The following DHX9 variants were observed in gnomAD, a reference collection of about 807,000 sequenced individuals.
DHX9 encodes DExH-box helicase 9, also known as ATP-dependent RNA helicase A.
Under a neutral mutation model 148.7 loss-of-function variants are expected in DHX9, and 27 were observed. That is an observed-to-expected ratio of 0.18 (90% CI 0.13 to 0.25). The LOEUF is 0.25. Among genes scored for constraint, DHX9 ranks in the 10% least tolerant of loss-of-function variants. DHX9 has a pLI of 1.00. For missense variants in DHX9, 796 were observed against 1,559.6 expected (o/e 0.51, Z 8.25); for synonymous variants, 529 against 516.6 (o/e 1.02, Z -0.33).
chr1:182,866,291 G>A (rs1158060362), intron 12 of DHX9, among the ~76,000 whole-genome samples, 153 bp from the exon 13 acceptor site: 8 of 152,164 alleles, frequency 5.3e-5, no homozygotes, highest in South Asian at 4.1e-4. Context: ...AGTGTCTGCC[G>A]TAGAACCAAA....
At position 182,859,033 on chromosome 1, in the gene DHX9, T is replaced by G. The variant is rs1206133973; in HGVS notation, c.1063-7T>G. On this transcript the variant is annotated splice_region_variant and splice_polypyrimidine_tract_variant and intron_variant, in intron 10 of 27. Coordinates refer to ENST00000367549, the MANE Select transcript of DHX9 (RefSeq NM_001357.5). ...TTGTTTGACTATGTTGGCTTTTTGT[T>G]TTACAGGCTACTCCAGAGCAAATAA... 6.2e-7 allele frequency: 1 copy of G among 1,613,708 alleles called. No individual in the cohort carries two copies. The highest frequency in any genetic ancestry group is 2.2e-5 in the East Asian group (1 of 44,868).
Position 182,879,324 on chromosome 1 carries a change from G to A in DHX9, c.2426G>A (p.Arg809His). 2 of 1,550,278 alleles carry A rather than the reference G, an allele frequency of 1.3e-6. No individual in the cohort carries two copies. Among genetic ancestry groups the A allele is most frequent in the East Asian group, 2.3e-5 (1 of 43,662 alleles). Residue 809 changes from arginine to histidine, a missense_variant, in exon 21 of 28, where the codon CGT (arginine) becomes CAT (histidine). Coordinates refer to ENST00000367549, the MANE Select transcript of DHX9 (RefSeq NM_001357.5). The part of the protein sequence containing the change: ...HEIALSIKLL[R>H]LGGIGQFLAK... ...ATTGCTCTTAGCATAAAACTTCTGC[G>A]TCTAGGAGGAATTGGCCAATTTCTG...
At chr1:182,854,479 C>T (rs1327421312) in intron 6 of DHX9, among the ~76,000 whole-genome samples, 1 of 152,046 alleles carries the variant, frequency 6.6e-6, no homozygotes, top group South Asian at 2.1e-4. Context: ...CTGGTTTGTC[C>T]CTAGTTGATG....
At chr1:182,844,240 CTG>C (rs2102587688) in intron 3 of DHX9, among the ~76,000 whole-genome samples, 1 of 152,350 alleles carries the variant, frequency 6.6e-6, no homozygotes, top group Non-Finnish European at 1.5e-5. Context: ...GCATGGGCCA[CTG>C]CACCTGGCTG....
Position 182,878,060 on chromosome 1 carries a change from C to G in DHX9, c.2238C>G (p.Thr746=), listed in dbSNP as rs763984418. 2 of 1,614,170 alleles carry G rather than the reference C, an allele frequency of 1.2e-6. No homozygotes were observed. Among genetic ancestry groups the G allele is most frequent in the South Asian group, 2.2e-5 (2 of 91,076 alleles). Residue 746 remains threonine (T), a synonymous_variant, in exon 20 of 28, where the codon ACC becomes ACG. Transcript: ENST00000367549. ...VKLFTAHNNM[T]NYATVWASKT... is the part of the protein sequence containing the mutation. ...TCTTCACTGCTCACAACAATATGAC[C>G]AACTATGCTACCGTATGGGCATCAA...
At chr1:182,863,836 A>G (rs975867062) in intron 12 of DHX9, among the ~76,000 whole-genome samples, 1 of 152,190 alleles carries the variant, frequency 6.6e-6, no homozygotes, top group South Asian at 2.1e-4. Flanking sequence ...AGAGTAATAC[A>G]TACACCTTGG....
intron 12 of DHX9, among the ~76,000 whole-genome samples, chr1:182,865,087 G>GA (rs1287148751): frequency 6.6e-6 from 1 of 152,134 alleles, no homozygotes; most frequent in Non-Finnish European, 1.5e-5. Context: ...AAGAAAAAAA[G>GA]AAAAACTATA....
At chr1:182,864,166 C>T (rs554338081) in intron 12 of DHX9, among the ~76,000 whole-genome samples, 196 of 152,192 alleles carry the variant, frequency 1.3e-3, no homozygotes, top group Non-Finnish European at 2.2e-3. Flanking sequence ...TTGCTCACTG[C>T]AACCTCAAAC....
chr1:182,856,436 G>A (rs1668252182), intron 6 of DHX9, 96 bp from the exon 7 acceptor site: 4 of 968,782 alleles, frequency 4.1e-6, no homozygotes, highest in Admixed American at 2.0e-5. Context: ...TCTGTGATTT[G>A]CCTAAGCAGT....
At chr1:182,851,473 T>C (rs1008332820) in intron 3 of DHX9, among the ~76,000 whole-genome samples, 13 of 152,240 alleles carry the variant, frequency 8.5e-5, no homozygotes, top group African/African-American at 3.1e-4. Context: ...TGAATTAGCT[T>C]TCATCTCAGA....
At chr1:182,881,191 C>T (rs763751353) in intron 22 of DHX9, 73 bp from the exon 23 acceptor site, 13 of 1,477,742 alleles carry the variant, frequency 8.8e-6, no homozygotes, top group African/African-American at 1.4e-5. Flanking sequence ...AACCCACAGT[C>T]GACAGTCCTA....
At chr1:182,868,915 G>A (rs1648421191) in intron 14 of DHX9, among the ~76,000 whole-genome samples, 1 of 152,000 alleles carries the variant, frequency 6.6e-6, no homozygotes, top group African/African-American at 2.4e-5. Flanking sequence ...CTTTTCAGTA[G>A]GGCAAAATTT....
At chr1:182,861,345 C>T (rs529254397) in intron 12 of DHX9, among the ~76,000 whole-genome samples, 1 of 152,156 alleles carries the variant, frequency 6.6e-6, no homozygotes, top group African/African-American at 2.4e-5. Flanking sequence ...ACCCCTAAAA[C>T]TGGCTATGGA....
rs1649078944 is a variant in DHX9 at position 182,881,365 on chromosome 1, G to A, written c.2726G>A (p.Gly909Glu). 1 of 1,614,060 alleles carries A rather than the reference G, an allele frequency of 6.2e-7. No homozygotes were observed. Among genetic ancestry groups the A allele is most frequent in the Non-Finnish European group, 8.5e-7 (1 of 1,180,042 alleles). ...GGCTATATCCATCGAAATTTTGCTGGAAACAGATTTTCTGATCACGTAGCC... is the reference window on the plus strand; with the variant it reads ...GGCTATATCCATCGAAATTTTGCTGAAAACAGATTTTCTGATCACGTAGCC... ...RLGYIHRNFA[G>E]NRFSDHVALL... Residue 909 changes from glycine (G) to glutamate (E), a missense_variant, in exon 23 of 28, where the codon GGA becomes GAA. Around this residue, in one of 14 missense-constraint regions of DHX9, gnomAD observed 122 missense variants for 289.3 expected, o/e 0.42. Transcript: ENST00000367549.
intron 22 of DHX9, among the ~76,000 whole-genome samples, 185 bp from the exon 23 acceptor site, chr1:182,881,079 A>G (rs1306670616): frequency 6.6e-6 from 1 of 152,248 alleles, no homozygotes; most frequent in African/African-American, 2.4e-5. Context: ...TTAGAGCATC[A>G]GAGCATTTTT....
intron 3 of DHX9, among the ~76,000 whole-genome samples, chr1:182,844,914 C>G (rs1227282977): frequency 1.3e-5 from 2 of 152,202 alleles, no homozygotes; most frequent in Non-Finnish European, 2.9e-5. Flanking sequence ...CCGCCCCCTT[C>G]AGCCTCCCAA....
chr1:182,882,275 A>G (rs1649117015), intron 24 of DHX9, among the ~76,000 whole-genome samples: 1 of 152,230 alleles, frequency 6.6e-6, no homozygotes, highest in African/African-American at 2.4e-5. Flanking sequence ...ACAGGCACCA[A>G]GGTATAAATT....
At chr1:182,845,261 ATTCTT>A (rs1557963091) in intron 3 of DHX9, among the ~76,000 whole-genome samples, 1 of 152,048 alleles carries the variant, frequency 6.6e-6, no homozygotes, top group African/African-American at 2.4e-5. Context: ...GTCTCCCTCT[ATTCTT>A]TATCTTTTAG....
rs371780936 is a variant in DHX9 at position 182,881,601 on chromosome 1, C to T, written c.2868C>T (p.Ala956=). 6 of 1,611,742 alleles carry T rather than the reference C, an allele frequency of 3.7e-6. No individual in the cohort carries two copies. In the African/African-American group the frequency reaches 5.3e-5, roughly 14 times the overall value. ...NMATLRMTWE[A]KVQLKEILIN... is the part of the protein sequence containing the mutation. ...CTACACTAAGAATGACTTGGGAAGC[C>T]AAAGTTCAGCTCAAAGAGATTTTGA... The change falls in exon 24 of 28, where the codon GCC becomes GCT. Residue 956 remains alanine, a synonymous_variant. Coordinates refer to ENST00000367549, the MANE Select transcript of DHX9 (RefSeq NM_001357.5).
Sources: allele counts gnomAD v4.1 joint callset (sites outside exome capture counted in the v4.1 genomes callset), GRCh38; gene constraint gnomAD v4.1.1; regional missense constraint gnomAD v4.1.1; transcripts MANE v1.5; gene names NCBI Gene and HGNC (gene_info 2026-07-23, HGNC 2026-07-21).